Variants in XPO7 observed in about 807,000 individuals in gnomAD.
The protein encoded by XPO7 is exportin-7.
A neutral mutation model predicts 144.3 loss-of-function variants in XPO7; 21 were observed. That is an observed-to-expected ratio of 0.15 (90% CI 0.10 to 0.21). The LOEUF is 0.21. Ranked by LOEUF, XPO7 falls within the 10% of genes least tolerant of loss-of-function variation. The probability of loss-of-function intolerance (pLI) is 1.00; values close to 1 mark genes in which losing one functional copy is unlikely to be tolerated. For missense variants in XPO7, 808 were observed against 1,325.8 expected, an observed-to-expected ratio of 0.61 and a Z score of 6.06; for synonymous variants, 580 against 499.6, an observed-to-expected ratio of 1.16 and a Z score of -2.15.
intron 20 of XPO7, 65 bp downstream of exon 20, chr8:21,994,516 G>C (rs1812876413): frequency 6.8e-7 from 1 of 1,463,038 alleles, no homozygotes; most frequent in Non-Finnish European, 9.4e-7. Flanking sequence ...TGGGTGATAG[G>C]GTCCAGAGAC....
rs766530914 is a variant in XPO7, at chr8:21,989,040, A to G, written c.1825A>G (p.Ile609Val). The G allele has an allele frequency of 1.9e-5, 31 of 1,613,638 alleles. No individual in the cohort carries two copies. The highest frequency in any genetic ancestry group is 3.3e-4 in the Middle Eastern group (2 of 6,084). ...NLKYWGRCEP[I>V]TSKTLQLLND... ...GAAGTACTGGGGCCGTTGTGAACCAATCACCTCCAAGACACTACAGCTTCT... is the reference window on the plus strand; with the variant it reads ...GAAGTACTGGGGCCGTTGTGAACCAGTCACCTCCAAGACACTACAGCTTCT... The change falls in exon 16 of 28, where the codon ATC (isoleucine) becomes GTC (valine). Residue 609 changes from isoleucine to valine, a missense_variant. This residue lies in a region of XPO7 where 416 missense variants were observed against 612.5 expected (regional missense o/e 0.68). Coordinates refer to ENST00000252512, the MANE Select transcript of XPO7 (RefSeq NM_015024.5).
chr8:21,922,158 T>G (rs1810310450), intron 1 of XPO7, among the ~76,000 whole-genome samples: 1 of 152,182 alleles, frequency 6.6e-6, no homozygotes, highest in African/African-American at 2.4e-5. Flanking sequence ...AGTCATTATG[T>G]TATCTAGTGC....
At chr8:21,992,251 C>T (rs1346480946) in intron 19 of XPO7, among the ~76,000 whole-genome samples, 2 of 151,940 alleles carry the variant, frequency 1.3e-5, no homozygotes, top group East Asian at 1.9e-4. Flanking sequence ...TTTTTAATCT[C>T]GGTTTTATCT....
Position 22,005,589 on chromosome 8 carries a change from G to C in XPO7, c.*501G>C, listed in dbSNP as rs960772897. The stretch of plus-strand genomic sequence containing the variant: ...GGTGGCCTGAAGCTTTACTGGACAA[G>C]GATGTGTGAGAGTGCAGAGATATAT... On this transcript the variant is annotated 3_prime_UTR_variant, in exon 28 of 28. Coordinates refer to ENST00000252512, the MANE Select transcript of XPO7 (RefSeq NM_015024.5). The C allele has an allele frequency of 6.6e-6, 1 of 152,626 alleles. No individual in the cohort carries two copies. The highest frequency in any genetic ancestry group is 2.4e-5 in the African/African-American group (1 of 41,444). 9.5% of individuals were successfully genotyped at this position (152,626 alleles called of 1,614,324 possible). A position where few individuals can be genotyped will look rare whatever the true frequency, so the allele number is the denominator to read the frequency against.
At chr8:21,993,147 CTT>C (rs56095138) in intron 19 of XPO7, among the ~76,000 whole-genome samples, 11,722 of 152,234 alleles carry the variant, frequency 0.077, 605 homozygotes, top group Middle Eastern at 0.11. Flanking sequence ...ATATTACCAA[CTT>C]TAGGCTAGAG....
At chr8:21,967,747 C>T (rs1054907803) in intron 2 of XPO7, among the ~76,000 whole-genome samples, 2 of 152,114 alleles carry the variant, frequency 1.3e-5, no homozygotes, top group South Asian at 2.1e-4. Context: ...GGAACAGTGA[C>T]CTTGACAATG....
chr8:21,964,490 A>G (rs1480082282), intron 1 of XPO7, among the ~76,000 whole-genome samples: 1 of 152,228 alleles, frequency 6.6e-6, no homozygotes, highest in Non-Finnish European at 1.5e-5. Flanking sequence ...ATAAATGTTA[A>G]TGTCTCATTC....
intron 8 of XPO7, 104 bp from the exon 9 acceptor site, chr8:21,979,980 T>TTCAGATATCCTA: frequency 1.6e-6 from 2 of 1,267,268 alleles, no homozygotes; most frequent in Non-Finnish European, 2.1e-6. Flanking sequence ...ATAATGTTGC[T>TTCAGATATCCTA]TCAGATATCC....
chr8:21,923,079 T>C (rs1313031431), intron 1 of XPO7, among the ~76,000 whole-genome samples: 1 of 152,260 alleles, frequency 6.6e-6, no homozygotes, highest in Non-Finnish European at 1.5e-5. Flanking sequence ...ATAAGTGCTA[T>C]GGGTAGTCCA....
intron 16 of XPO7, 135 bp downstream of exon 16, chr8:21,989,218 C>CA (rs1300606498): frequency 1.2e-5 from 10 of 800,048 alleles, no homozygotes; most frequent in South Asian, 5.6e-5. Flanking sequence ...CCTAGGAGTC[C>CA]AAAAAAACGC....
intron 1 of XPO7, among the ~76,000 whole-genome samples, chr8:21,927,323 A>G (rs1349208648): frequency 1.3e-5 from 2 of 152,154 alleles, no homozygotes; most frequent in East Asian, 3.9e-4. Flanking sequence ...GTAAAGGATT[A>G]TTTACTAGTT....
At chr8:21,953,121 C>T (rs1186049687) in intron 1 of XPO7, among the ~76,000 whole-genome samples, 1 of 148,720 alleles carries the variant, frequency 6.7e-6, no homozygotes, top group Non-Finnish European at 1.5e-5. Flanking sequence ...AACTGAAGGT[C>T]ACTCTTAGTG....
At chr8:21,977,636 A>T (rs1410973191) in intron 7 of XPO7, 134 bp from the exon 8 acceptor site, 2 of 776,088 alleles carry the variant, frequency 2.6e-6, no homozygotes, top group African/African-American at 1.8e-5. Context: ...TTTGCTTATC[A>T]CTTCCAAAGG....
At position 21,981,750 on chromosome 8, in the gene XPO7, A is replaced by G. The variant is rs1812417417; in HGVS notation, c.977A>G (p.Asn326Ser). The G allele has an allele frequency of 1.9e-6, 3 of 1,613,888 alleles. No homozygotes were observed. Among genetic ancestry groups the G allele is most frequent in the Non-Finnish European group, 1.7e-6 (2 of 1,179,852 alleles). The change falls in exon 10 of 28, where the codon AAT (asparagine) becomes AGT (serine). Residue 326 changes from asparagine (N) to serine (S), a missense_variant. Asn to Ser is a conservative substitution (Grantham distance 46). This residue lies in a region of XPO7 where 26 missense variants were observed against 85.8 expected (regional missense o/e 0.30). Transcript: ENST00000252512. The part of the protein sequence containing the change: ...ENPQSLSDPN[N>S]YHEFCRLLAR... ...TGCCAGAGTTTATCAGACCCAAACA[A>G]TTACCATGAGTTTTGCAGACTACTG...
chr8:21,937,097 A>C (rs544405184), intron 1 of XPO7, among the ~76,000 whole-genome samples: 120 of 152,346 alleles, frequency 7.9e-4, no homozygotes, highest in African/African-American at 2.7e-3. Context: ...GCACAATAAG[A>C]GGTTAAAAGT....
intron 3 of XPO7, 118 bp downstream of exon 3, chr8:21,969,694 T>C: frequency 9.6e-7 from 1 of 1,037,230 alleles, no homozygotes; most frequent in Non-Finnish European, 1.4e-6. Context: ...CCATACAAAA[T>C]GTCTAGAATC....
intron 21 of XPO7, 76 bp from the exon 22 acceptor site, chr8:21,998,679 C>T: frequency 1.6e-6 from 2 of 1,255,326 alleles, no homozygotes; most frequent in Non-Finnish European, 2.3e-6. Context: ...CCAAGGTACT[C>T]AGATGAGAGC....
chr8:21,964,920 C>T (rs1398838168), intron 1 of XPO7, among the ~76,000 whole-genome samples: 1 of 152,170 alleles, frequency 6.6e-6, no homozygotes, highest in Non-Finnish European at 1.5e-5. Flanking sequence ...ACTGATTGAT[C>T]AGACTTTAAG....
At chr8:21,996,040 C>T (rs964417363) in intron 21 of XPO7, among the ~76,000 whole-genome samples, 1 of 152,156 alleles carries the variant, frequency 6.6e-6, no homozygotes, top group Admixed American at 6.5e-5. Context: ...TGGTCTCGAT[C>T]TCCTGACCTC....
Sources: gnomAD v4.1 joint callset for allele counts (sites outside exome capture counted in the v4.1 genomes callset) on GRCh38, gnomAD v4.1.1 for gene constraint, gnomAD v4.1.1 regional missense constraint, MANE v1.5 for transcripts, NCBI Gene and HGNC (gene_info 2026-07-23, HGNC 2026-07-21) for gene names.